RBKS: variants seen among roughly 807,000 people sequenced by gnomAD.
RBKS encodes the protein ribokinase.
In RBKS, 33 loss-of-function variants were observed where a neutral mutation model predicts 33.9. The observed-to-expected ratio is 0.97, with a 90% confidence interval of 0.74 to 1.30. The LOEUF (loss-of-function observed/expected upper bound fraction) is 1.30, where lower values mean the gene tolerates loss of function less well. Among genes scored for constraint, RBKS ranks in the 50% most tolerant of loss-of-function variants. The pLI is 0.00. For missense variants in RBKS, 361 were observed against 392.6 expected (o/e 0.92, Z 0.68); for synonymous variants, 125 against 143.0 (o/e 0.87, Z 0.90).
chr2:27,817,886 G>A (rs1226227525), intron 7 of RBKS, among the ~76,000 whole-genome samples: 3 of 152,116 alleles, frequency 2.0e-5, no homozygotes, highest in African/African-American at 4.8e-5. Context: ...ATAGCATGGC[G>A]AAAAGTGCCC....
chr2:27,873,704 T>A (rs1377588764), intron 1 of RBKS, among the ~76,000 whole-genome samples: 1 of 152,202 alleles, frequency 6.6e-6, no homozygotes, highest in Non-Finnish European at 1.5e-5. Flanking sequence ...ATATAATTTT[T>A]AAAGGGTACT....
intron 1 of RBKS, among the ~76,000 whole-genome samples, chr2:27,869,414 CA>C (rs1193515402): frequency 6.6e-6 from 1 of 152,112 alleles, no homozygotes; most frequent in East Asian, 1.9e-4. Context: ...TATAGTCTAG[CA>C]GAAGAGAGCA....
intron 5 of RBKS, among the ~76,000 whole-genome samples, chr2:27,840,680 C>T (rs1663475613): frequency 6.6e-6 from 1 of 152,142 alleles, no homozygotes. Flanking sequence ...TCTAGAGATA[C>T]TCTTCATAAA....
chr2:27,797,940 C>T (rs1051684882), intron 7 of RBKS, among the ~76,000 whole-genome samples: 1 of 152,004 alleles, frequency 6.6e-6, no homozygotes, highest in Non-Finnish European at 1.5e-5. Context: ...GAGGTTTTAC[C>T]GGAGAACTGA....
chr2:27,819,167 G>A (rs1678151231), intron 7 of RBKS, among the ~76,000 whole-genome samples: 1 of 152,148 alleles, frequency 6.6e-6, no homozygotes, highest in African/African-American at 2.4e-5. Flanking sequence ...CAGTTCTGGA[G>A]GCTGGGAAGT....
chr2:27,789,973 G>GTGTATATATATATATATATATA (rs1677489204), intron 7 of RBKS, among the ~76,000 whole-genome samples: 1 of 85,258 alleles, frequency 1.2e-5, no homozygotes, highest in African/African-American at 4.8e-5. Flanking sequence ...ATATATATAT[G>GTGTATATATATATATATATATA]TATATATATA....
chr2:27,885,329 T>A (rs1316004077), intron 1 of RBKS, among the ~76,000 whole-genome samples: 1 of 152,226 alleles, frequency 6.6e-6, no homozygotes, highest in Non-Finnish European at 1.5e-5. Flanking sequence ...TTCCCCTTCA[T>A]GCTATTTATT....
intron 7 of RBKS, among the ~76,000 whole-genome samples, chr2:27,782,013 C>G (rs192432916): frequency 6.6e-6 from 1 of 152,108 alleles, no homozygotes; most frequent in Non-Finnish European, 1.5e-5. Context: ...GAACTTCATA[C>G]TTTTTTCAGA....
intron 5 of RBKS, among the ~76,000 whole-genome samples, chr2:27,834,288 A>G (rs1344130436): frequency 6.6e-6 from 1 of 152,172 alleles, no homozygotes; most frequent in Non-Finnish European, 1.5e-5. Flanking sequence ...ATAGGCTAAC[A>G]CTATTCCCAC....
At chr2:27,843,017 A>G (rs1191762502) in intron 5 of RBKS, 50 bp downstream of exon 5, 1 of 1,392,342 alleles carries the variant, frequency 7.2e-7, no homozygotes, top group Non-Finnish European at 9.7e-7. Context: ...ACTTTAATTA[A>G]GACAGCGATA....
intron 5 of RBKS, among the ~76,000 whole-genome samples, chr2:27,834,313 A>T (rs1678475372): frequency 6.6e-6 from 1 of 151,014 alleles, no homozygotes. Flanking sequence ...TTGTTATTTC[A>T]GAATCCAGAA....
intron 6 of RBKS, among the ~76,000 whole-genome samples, chr2:27,829,887 G>A (rs1336746771): frequency 6.6e-6 from 1 of 152,190 alleles, no homozygotes; most frequent in Non-Finnish European, 1.5e-5. Context: ...TCAGGCAGCA[G>A]GGGTAGCAGG....
intron 2 of RBKS, among the ~76,000 whole-genome samples, chr2:27,850,163 C>CTA (rs1387824699): frequency 1.3e-5 from 2 of 152,150 alleles, no homozygotes; most frequent in Non-Finnish European, 2.9e-5. Context: ...TTTCTAAAAA[C>CTA]TAGACTTTAT....
At chr2:27,816,884 A>C (rs1169532784) in intron 7 of RBKS, among the ~76,000 whole-genome samples, 1 of 152,250 alleles carries the variant, frequency 6.6e-6, no homozygotes. Context: ...GGCGTGAGCC[A>C]CCGCGCCCGG....
intron 1 of RBKS, among the ~76,000 whole-genome samples, chr2:27,885,551 T>C (rs918258846): frequency 1.3e-5 from 2 of 152,222 alleles, no homozygotes. Context: ...CTATTCCTTC[T>C]GCCTGGAATG....
At chr2:27,834,128 AATGCATTCCAC>A (rs1678472943) in intron 5 of RBKS, among the ~76,000 whole-genome samples, 2 of 152,226 alleles carry the variant, frequency 1.3e-5, no homozygotes, top group Admixed American at 1.3e-4. Flanking sequence ...GCTTGGCACT[AATGCATTCCAC>A]ATTCTTGGGG....
intron 1 of RBKS, among the ~76,000 whole-genome samples, chr2:27,880,657 T>C (rs1383718471): frequency 2.0e-5 from 3 of 151,986 alleles, no homozygotes; most frequent in Non-Finnish European, 4.4e-5. Flanking sequence ...CATAATCCCA[T>C]CCACAATTAC....
At chr2:27,812,144 C>A (rs1347050730) in intron 7 of RBKS, among the ~76,000 whole-genome samples, 9 of 152,152 alleles carry the variant, frequency 5.9e-5, no homozygotes, top group Admixed American at 5.9e-4. Context: ...CACTGGCCAC[C>A]AGAGAAATGC....
chr2:27,865,118 A>G (rs1273218334), intron 1 of RBKS, among the ~76,000 whole-genome samples: 1 of 152,170 alleles, frequency 6.6e-6, no homozygotes, highest in Non-Finnish European at 1.5e-5. Context: ...CAGGAGATCA[A>G]GACCATCCTG....
Sources: allele counts gnomAD v4.1 joint callset (sites outside exome capture counted in the v4.1 genomes callset), GRCh38; gene constraint gnomAD v4.1.1; transcripts MANE v1.5; gene names NCBI Gene and HGNC (gene_info 2026-07-23, HGNC 2026-07-21).